Variants in HDAC8 observed in about 807,000 individuals in gnomAD.
HDAC8 encodes histone deacetylase 8.
HDAC8 carries 1 observed loss-of-function variant against 32.2 expected under a neutral mutation model. The observed-to-expected ratio is 0.03, with a 90% CI of 0.01 to 0.15. The LOEUF (loss-of-function observed/expected upper bound fraction) is 0.15, where lower values mean the gene tolerates loss of function less well. Ranked by LOEUF, HDAC8 falls within the 10% of genes least tolerant of loss-of-function variation. The probability of loss-of-function intolerance (pLI) is 1.00; values close to 1 mark genes in which losing one functional copy is unlikely to be tolerated. For missense variants in HDAC8, 117 were observed against 300.0 expected (o/e 0.39, Z 4.51); for synonymous variants, 108 against 113.9 (o/e 0.95, Z 0.33).
intron 9 of HDAC8, among the ~76,000 whole-genome samples, chrX:72,433,466 A>T (rs2046872235): frequency 1.8e-5 from 2 of 112,431 alleles, no homozygotes; most frequent in Non-Finnish European, 3.8e-5. Context: ...TTAAAACTGA[A>T]TAATGAAGGA....
At chrX:72,495,836 G>A (rs936415622) in intron 4 of HDAC8, among the ~76,000 whole-genome samples, 4 of 111,869 alleles carry the variant, frequency 3.6e-5, no homozygotes, top group Admixed American at 2.8e-4. Context: ...TAATGTGGTC[G>A]CCTGTCTGTA....
chrX:72,459,204 C>T (rs1057262324), intron 9 of HDAC8, among the ~76,000 whole-genome samples: 1 of 111,701 alleles, frequency 9.0e-6, no homozygotes, highest in Non-Finnish European at 1.9e-5. Context: ...CTGGGATTAT[C>T]TCATTAGTCT....
intron 5 of HDAC8, among the ~76,000 whole-genome samples, chrX:72,492,645 A>G (rs1456599045): frequency 1.8e-5 from 2 of 111,558 alleles, no homozygotes; most frequent in Non-Finnish European, 3.8e-5. Context: ...GAAACACACC[A>G]TAAAAGTTGG....
chrX:72,507,500 T>C (rs1010773156), intron 4 of HDAC8, among the ~76,000 whole-genome samples: 63 of 111,885 alleles, frequency 5.6e-4, no homozygotes, highest in African/African-American at 1.9e-3. Flanking sequence ...CAAGTGACCA[T>C]CCTACACTGA....
intron 9 of HDAC8, among the ~76,000 whole-genome samples, chrX:72,414,111 C>T (rs2046271859): frequency 8.9e-6 from 1 of 112,186 alleles, no homozygotes; most frequent in Non-Finnish European, 1.9e-5. Context: ...TGGCCTGAAG[C>T]AGCCACTGGT....
chrX:72,338,852 C>T (rs1268030435), intron 10 of HDAC8, among the ~76,000 whole-genome samples: 2 of 105,960 alleles, frequency 1.9e-5, no homozygotes, highest in Middle Eastern at 4.8e-3. Flanking sequence ...AGTTCGAGAC[C>T]AGCCTGGGGA....
chrX:72,401,647 C>T (rs1175182381), intron 9 of HDAC8, among the ~76,000 whole-genome samples: 1 of 111,805 alleles, frequency 8.9e-6, no homozygotes, highest in Admixed American at 9.5e-5. Flanking sequence ...CTTTTCATGC[C>T]CTTGTTGGCC....
intron 9 of HDAC8, among the ~76,000 whole-genome samples, chrX:72,435,756 T>C (rs1467021671): frequency 1.8e-5 from 2 of 111,058 alleles, no homozygotes; most frequent in Non-Finnish European, 3.8e-5. Flanking sequence ...TCGCTTGAGG[T>C]CAGGAGTTCA....
chrX:72,399,941 G>A (rs1308891604), intron 9 of HDAC8, among the ~76,000 whole-genome samples: 1 of 111,620 alleles, frequency 9.0e-6, no homozygotes, highest in East Asian at 2.8e-4. Flanking sequence ...TCTTGTCAAG[G>A]CTACCCATGA....
chrX:72,399,382 T>C (rs1265599971), intron 9 of HDAC8, among the ~76,000 whole-genome samples: 2 of 112,060 alleles, frequency 1.8e-5, no homozygotes, highest in Admixed American at 9.5e-5. Flanking sequence ...ATAAATACTA[T>C]AGCTGTATGA....
intron 10 of HDAC8, among the ~76,000 whole-genome samples, chrX:72,342,324 C>T (rs1297069188): frequency 1.8e-5 from 2 of 112,521 alleles, no homozygotes; most frequent in Non-Finnish European, 3.8e-5. Flanking sequence ...TCCTCTGGAA[C>T]TCTGTGGTGA....
chrX:72,343,416 G>A lies in HDAC8; in HGVS notation c.1111+8317C>T, dbSNP rs782213715. On this transcript the variant is annotated intron_variant, in intron 10 of 10. Coordinates refer to ENST00000373573, the MANE Select transcript of HDAC8 (RefSeq NM_018486.3). ...TCCAACTCCTGGGCTCAAGTGATCTGCCTGTCTCGGCCTCTCAAAATGCTG... is the reference window on the plus strand; with the variant it reads ...TCCAACTCCTGGGCTCAAGTGATCTACCTGTCTCGGCCTCTCAAAATGCTG... Among the ~76,000 whole-genome samples, 3 of 103,404 alleles carry A rather than the reference G, an allele frequency of 2.9e-5. No homozygotes were observed. The East Asian group carries it at 9.5e-4, about 33-fold the overall frequency. The allele number at this position is 103,404 out of a possible 115,157, so 89.8% of individuals were successfully genotyped here.
chrX:72,436,839 T>G (rs781892880), intron 9 of HDAC8, among the ~76,000 whole-genome samples: 30 of 111,684 alleles, frequency 2.7e-4, no homozygotes, highest in African/African-American at 9.7e-4. Context: ...GGAGGTAAGG[T>G]TTCTTTACTC....
At chrX:72,470,045 G>T (rs1256685284) in intron 7 of HDAC8, among the ~76,000 whole-genome samples, 8 of 109,908 alleles carry the variant, frequency 7.3e-5, no homozygotes, top group Non-Finnish European at 1.9e-5. Context: ...CTACTTGGGA[G>T]GCTGAGGCAG....
chrX:72,403,453 A>T (rs2045958928), intron 9 of HDAC8, among the ~76,000 whole-genome samples: 1 of 111,980 alleles, frequency 8.9e-6, no homozygotes, highest in African/African-American at 3.2e-5. Flanking sequence ...ATTGTCATAC[A>T]TACATATACA....
chrX:72,544,222 T>A (rs782304168), intron 4 of HDAC8, among the ~76,000 whole-genome samples: 1 of 111,658 alleles, frequency 9.0e-6, no homozygotes, highest in South Asian at 3.8e-4. Flanking sequence ...CTTGGAGTAA[T>A]TGACCTTGGT....
At chrX:72,402,543 C>A (rs1292761031) in intron 9 of HDAC8, among the ~76,000 whole-genome samples, 1 of 109,363 alleles carries the variant, frequency 9.1e-6, no homozygotes, top group Non-Finnish European at 1.9e-5. Flanking sequence ...TGGTATGCTG[C>A]CTCTTCATTT....
chrX:72,472,967 C>T (rs1335224172), intron 7 of HDAC8, among the ~76,000 whole-genome samples: 1 of 111,430 alleles, frequency 9.0e-6, no homozygotes, highest in Admixed American at 9.5e-5. Context: ...TCATGGATTA[C>T]ACCAATAGCT....
chrX:72,563,720 G>T (rs922963941), intron 4 of HDAC8, among the ~76,000 whole-genome samples: 1 of 110,716 alleles, frequency 9.0e-6, no homozygotes, highest in Non-Finnish European at 1.9e-5. Flanking sequence ...CATGAAAATA[G>T]TTTGTTTCCC....
Sources: gnomAD v4.1 joint callset for allele counts (sites outside exome capture counted in the v4.1 genomes callset) on GRCh38, gnomAD v4.1.1 for gene constraint, MANE v1.5 for transcripts, NCBI Gene and HGNC (gene_info 2026-07-23, HGNC 2026-07-21) for gene names.